FAM81B: variants seen among roughly 807,000 people sequenced by gnomAD.
FAM81B encodes the protein protein FAM81B.
FAM81B carries 60 observed loss-of-function variants against 58.7 expected under a neutral mutation model. The ratio of observed to expected loss-of-function variants is 1.02; its 90% confidence interval spans 0.83 to 1.27. The LOEUF (loss-of-function observed/expected upper bound fraction) is 1.27. Ranked by LOEUF, FAM81B falls within the 50% of genes most tolerant of loss-of-function variation. The pLI is 0.00. For missense variants in FAM81B, 491 were observed against 522.0 expected (o/e 0.94, Z 0.58); for synonymous variants, 189 against 179.6 (o/e 1.05, Z -0.42).
rs550784959 is a variant in FAM81B, at chr5:95,424,795, C to T, written c.657-3808C>T. ...CTGTAGTTTATTATTAGCTTATTAA[C>T]TTTCAAATTACAGGCATCTTTTACT... On this transcript the variant is annotated intron_variant, in intron 5 of 9. Transcript: ENST00000283357. 2.7e-3 allele frequency among the ~76,000 whole-genome samples: 341 copies of T among 127,356 alleles called. 2 individuals carry two copies. The highest frequency in any genetic ancestry group is 4.6e-3 in the Non-Finnish European group (267 of 58,330). The allele number at this position is 127,356 out of a possible 152,430, so 83.6% of individuals were successfully genotyped here. A position where few individuals can be genotyped will look rare whatever the true frequency, so the allele number is the denominator to read the frequency against.
At chr5:95,432,275 G>A (rs984390366) in intron 6 of FAM81B, among the ~76,000 whole-genome samples, 2 of 152,038 alleles carry the variant, frequency 1.3e-5, no homozygotes, top group Non-Finnish European at 2.9e-5. Flanking sequence ...TTGTGGTGCA[G>A]GATAATGTTT....
chr5:95,406,924 C>G (rs1446564556), intron 3 of FAM81B, among the ~76,000 whole-genome samples: 1 of 152,136 alleles, frequency 6.6e-6, no homozygotes, highest in African/African-American at 2.4e-5. Context: ...CATGTTCTCA[C>G]TAACTCTCAA....
At chr5:95,394,248 TAATAA>T (rs1761905194) in intron 2 of FAM81B, among the ~76,000 whole-genome samples, 2 of 152,272 alleles carry the variant, frequency 1.3e-5, no homozygotes, top group South Asian at 4.1e-4. Flanking sequence ...ACTTAAAAAT[TAATAA>T]AATAAAAATA....
intron 7 of FAM81B, chr5:95,440,414 A>G (rs1382165536): frequency 1.5e-6 from 1 of 666,480 alleles, no homozygotes; most frequent in African/African-American, 1.8e-5. Context: ...ATTACCTGGT[A>G]ATGCCTAAGG....
intron 9 of FAM81B, chr5:95,448,785 C>T (rs962795789): frequency 2.9e-5 from 13 of 455,360 alleles, no homozygotes; most frequent in African/African-American, 8.2e-5. Flanking sequence ...ATACCCAAGA[C>T]GTGACTTGTG....
intron 6 of FAM81B, among the ~76,000 whole-genome samples, chr5:95,429,613 C>T (rs1275830560): frequency 1.3e-5 from 2 of 152,136 alleles, no homozygotes; most frequent in African/African-American, 2.4e-5. Flanking sequence ...TCTTATTAGG[C>T]CCAATAATTT....
intron 5 of FAM81B, among the ~76,000 whole-genome samples, chr5:95,422,323 A>G: frequency 6.7e-6 from 1 of 149,984 alleles, no homozygotes; most frequent in South Asian, 2.1e-4. Flanking sequence ...TAAATAATAT[A>G]TAGAAATATT....
chr5:95,433,624 T>A (rs1020246663), intron 6 of FAM81B, among the ~76,000 whole-genome samples: 1 of 152,206 alleles, frequency 6.6e-6, no homozygotes, highest in African/African-American at 2.4e-5. Context: ...GTTTTTGGAA[T>A]ATTTTGAGGA....
At chr5:95,396,062 T>C (rs1007841594) in intron 2 of FAM81B, 49 bp from the exon 3 acceptor site, 3 of 1,399,126 alleles carry the variant, frequency 2.1e-6, no homozygotes, top group East Asian at 2.3e-5. Flanking sequence ...ATAGAAGTAA[T>C]CTGTAAAGAA....
At chr5:95,426,778 G>A (rs575291516) in intron 5 of FAM81B, among the ~76,000 whole-genome samples, 2 of 152,314 alleles carry the variant, frequency 1.3e-5, no homozygotes, top group Non-Finnish European at 2.9e-5. Context: ...GCCGGGCGCG[G>A]TGGCTCACGC....
intron 3 of FAM81B, among the ~76,000 whole-genome samples, chr5:95,408,001 C>T (rs1160190797): frequency 3.3e-5 from 5 of 151,356 alleles, no homozygotes; most frequent in Non-Finnish European, 7.4e-5. Context: ...TGGCTGTTGT[C>T]AGGAGTTTTC....
At chr5:95,413,067 T>G (rs1354406237) in intron 3 of FAM81B, among the ~76,000 whole-genome samples, 1 of 152,214 alleles carries the variant, frequency 6.6e-6, no homozygotes, top group Admixed American at 6.5e-5. Flanking sequence ...TTCTTTTTAT[T>G]CTCTGATGAA....
intron 1 of FAM81B, among the ~76,000 whole-genome samples, chr5:95,392,139 C>T (rs1027520951): frequency 8.5e-5 from 13 of 152,116 alleles, no homozygotes; most frequent in Non-Finnish European, 1.0e-4. Flanking sequence ...AAAGAAAATG[C>T]CGCACATATA....
chr5:95,445,105 A>G (rs1226572503), intron 7 of FAM81B, among the ~76,000 whole-genome samples: 1 of 152,182 alleles, frequency 6.6e-6, no homozygotes, highest in Non-Finnish European at 1.5e-5. Flanking sequence ...TAATTAGCCC[A>G]AACACTTTTT....
At chr5:95,425,480 C>A (rs1193921097) in intron 5 of FAM81B, among the ~76,000 whole-genome samples, 1 of 152,172 alleles carries the variant, frequency 6.6e-6, no homozygotes, top group Admixed American at 6.5e-5. Context: ...AATGTTATCT[C>A]AACTAAGTTA....
chr5:95,426,096 A>ATG (rs1762819971), intron 5 of FAM81B, among the ~76,000 whole-genome samples: 1 of 94,298 alleles, frequency 1.1e-5, no homozygotes, highest in African/African-American at 3.9e-5. Context: ...CTCTGTGTGT[A>ATG]TATATATATA....
intron 7 of FAM81B, among the ~76,000 whole-genome samples, chr5:95,437,886 T>C (rs545697252): frequency 6.6e-6 from 1 of 152,308 alleles, no homozygotes; most frequent in East Asian, 1.9e-4. Flanking sequence ...TTTTACTCTA[T>C]GTCTCACAAC....
chr5:95,409,118 A>G (rs1762342072), intron 3 of FAM81B, among the ~76,000 whole-genome samples: 1 of 152,230 alleles, frequency 6.6e-6, no homozygotes, highest in Non-Finnish European at 1.5e-5. Flanking sequence ...AACGGTTTAA[A>G]TAAATTATAT....
chr5:95,436,878 C>T lies in FAM81B; in HGVS notation c.865C>T (p.Arg289Cys), dbSNP rs778133772. 12 of 1,613,668 alleles carry T rather than the reference C, an allele frequency of 7.4e-6. No individual in the cohort carries two copies. The African/African-American group carries it at 8.0e-5, about 11-fold the overall frequency. Residue 289 changes from arginine (R) to cysteine (C), a missense_variant, in exon 7 of 10, where the codon CGC becomes TGC. Physicochemically the swap from Arg to Cys is radical, Grantham distance 180. Transcript: ENST00000283357. Reference sequence around the variant, plus strand: ...TTTAAAGATGGTCCAGGGGGATTATCGCCACGAAATGAACCTTTTGGAATT... The same window carrying T: ...TTTAAAGATGGTCCAGGGGGATTATTGCCACGAAATGAACCTTTTGGAATT... The part of the protein sequence containing the change: ...SNLKMVQGDY[R>C]HEMNLLEFKF...
Sources: gnomAD v4.1 joint callset for allele counts (sites outside exome capture counted in the v4.1 genomes callset) on GRCh38, gnomAD v4.1.1 for gene constraint, MANE v1.5 for transcripts, NCBI Gene and HGNC (gene_info 2026-07-23, HGNC 2026-07-21) for gene names.